RIMS1: variants seen among roughly 807,000 people sequenced by gnomAD.
RIMS1 encodes regulating synaptic membrane exocytosis protein 1.
A neutral mutation model predicts 214.1 loss-of-function variants in RIMS1; 83 were observed. The observed-to-expected ratio is 0.39, with a 90% CI of 0.32 to 0.47. The LOEUF (loss-of-function observed/expected upper bound fraction) is 0.47, where lower values mean the gene tolerates loss of function less well. Among genes scored for constraint, RIMS1 ranks in the 20% least tolerant of loss-of-function variants. RIMS1 has a pLI of 0.99. For missense variants in RIMS1, 2,050 were observed against 2,161.8 expected (o/e 0.95, Z 1.03); for synonymous variants, 793 against 786.8 (o/e 1.01, Z -0.13).
chr6:72,200,466 A>G (rs138213829), intron 6 of RIMS1, among the ~76,000 whole-genome samples: 51 of 152,266 alleles, frequency 3.3e-4, no homozygotes, highest in African/African-American at 1.2e-3. Flanking sequence ...CCTTCAATGA[A>G]AGGCTTTCTG....
chr6:72,133,437 A>C (rs1309370649), intron 4 of RIMS1, among the ~76,000 whole-genome samples: 2 of 152,206 alleles, frequency 1.3e-5, no homozygotes, highest in African/African-American at 2.4e-5. Context: ...TCAAAACTAG[A>C]AAAACAGACA....
At chr6:71,960,338 G>A (rs1374309162) in intron 1 of RIMS1, among the ~76,000 whole-genome samples, 1 of 152,086 alleles carries the variant, frequency 6.6e-6, no homozygotes, top group Non-Finnish European at 1.5e-5. Flanking sequence ...GCTGTGAGGG[G>A]TGCTGGAATT....
intron 1 of RIMS1, among the ~76,000 whole-genome samples, chr6:71,968,554 T>C (rs532593001): frequency 2.0e-5 from 3 of 152,288 alleles, no homozygotes; most frequent in Admixed American, 6.5e-5. Flanking sequence ...TGGTGATTGA[T>C]GGTGTGAAAG....
intron 4 of RIMS1, among the ~76,000 whole-genome samples, chr6:72,148,265 C>T (rs1203068849): frequency 6.6e-6 from 1 of 152,034 alleles, no homozygotes; most frequent in East Asian, 1.9e-4. Context: ...CCCAATGATT[C>T]AAGATGCACT....
intron 2 of RIMS1, among the ~76,000 whole-genome samples, chr6:72,008,140 C>G (rs1476462832): frequency 2.0e-5 from 3 of 152,226 alleles, no homozygotes; most frequent in African/African-American, 4.8e-5. Context: ...AGAAACTCTA[C>G]AAGCCAGAAG....
Position 72,274,440 on chromosome 6 carries a change from T to G in RIMS1, c.3482+8T>G, listed in dbSNP as rs756305958. 185 of 1,606,232 alleles carry G rather than the reference T, an allele frequency of 1.2e-4. No individual in the cohort carries two copies. The highest frequency in any genetic ancestry group is 1.5e-4 in the Non-Finnish European group (179 of 1,173,182). ...GTCTCCGGAGAATGACAGGTACTAG[T>G]CAACTCCTCCTCACAGACAAGTGGC... On this transcript the variant is annotated splice_region_variant and intron_variant, in intron 23 of 33. Coordinates refer to ENST00000521978, the MANE Select transcript of RIMS1 (RefSeq NM_014989.7).
intron 2 of RIMS1, among the ~76,000 whole-genome samples, chr6:72,000,671 C>T (rs1804894153): frequency 6.6e-6 from 1 of 152,200 alleles, no homozygotes; most frequent in South Asian, 2.1e-4. Flanking sequence ...GCTGCTCTTG[C>T]CATTGCATTC....
chr6:72,365,868 G>T (rs1246632261), intron 29 of RIMS1: 1 of 152,212 alleles, frequency 6.6e-6, no homozygotes, highest in East Asian at 1.9e-4. Context: ...GTTATAAAAA[G>T]AGCTTAAAGA....
At chr6:72,283,308 T>C (rs1197759825) in intron 23 of RIMS1, among the ~76,000 whole-genome samples, 1 of 152,088 alleles carries the variant, frequency 6.6e-6, no homozygotes, top group Non-Finnish European at 1.5e-5. Context: ...TAAGCTGCTG[T>C]GGGGAAGCAA....
At chr6:72,304,403 A>G (rs1194864502) in intron 26 of RIMS1, among the ~76,000 whole-genome samples, 1 of 151,810 alleles carries the variant, frequency 6.6e-6, no homozygotes, top group Non-Finnish European at 1.5e-5. Flanking sequence ...CTAAGATACT[A>G]GAGAGACAGT....
chr6:72,197,668 C>T (rs961762676), intron 6 of RIMS1, among the ~76,000 whole-genome samples: 1 of 152,004 alleles, frequency 6.6e-6, no homozygotes, highest in Non-Finnish European at 1.5e-5. Context: ...ACACACTTGC[C>T]TACAGGTATG....
intron 10 of RIMS1, among the ~76,000 whole-genome samples, chr6:72,245,337 C>T (rs925689560): frequency 3.9e-5 from 6 of 151,980 alleles, no homozygotes; most frequent in Admixed American, 1.3e-4. Flanking sequence ...AGCAACTCAT[C>T]CTTTTCATTT....
At chr6:72,101,072 G>A (rs1323761002) in intron 4 of RIMS1, among the ~76,000 whole-genome samples, 8 of 151,926 alleles carry the variant, frequency 5.3e-5, no homozygotes, top group Admixed American at 1.3e-4. Context: ...CAGTTGAAAC[G>A]TGGGTAAAGT....
rs1767909518 is a variant in RIMS1, at chr6:71,886,902, T to C, written c.-122T>C. On this transcript the variant is annotated 5_prime_UTR_variant, in exon 1 of 34. Transcript: ENST00000521978. ...CTGCTGCTGCCGCCGCCGCCGCTGC[T>C]CCTCCTCCTGCCGCCGCCGCTAGGG... 1.2e-5 allele frequency: 14 copies of C among 1,147,360 alleles called. No homozygotes were observed. Among genetic ancestry groups the C allele is most frequent in the South Asian group, 5.9e-5 (4 of 67,828 alleles). 71.1% of individuals were successfully genotyped at this position (1,147,360 alleles called of 1,614,324 possible). A position where few individuals can be genotyped will look rare whatever the true frequency, so the allele number is the denominator to read the frequency against.
intron 29 of RIMS1, among the ~76,000 whole-genome samples, chr6:72,363,199 G>A (rs2097881979): frequency 6.6e-6 from 1 of 151,796 alleles, no homozygotes; most frequent in Non-Finnish European, 1.5e-5. Context: ...TCATACAAAA[G>A]GAATATTATA....
chr6:72,292,330 A>C lies in RIMS1; in HGVS notation c.3850+284A>C, dbSNP rs915803877. On this transcript the variant is annotated intron_variant, in intron 26 of 33. Coordinates refer to ENST00000521978, the MANE Select transcript of RIMS1 (RefSeq NM_014989.7). ...CTTATTCCAAAGTGACAAAGGAAAAAAATAAAATTTAAAAATCTCATTGCA... is the reference window on the plus strand; with the variant it reads ...CTTATTCCAAAGTGACAAAGGAAAACAATAAAATTTAAAAATCTCATTGCA... 3.3e-5 allele frequency among the ~76,000 whole-genome samples: 5 copies of C among 152,170 alleles called. 1 individual carries two copies. Among genetic ancestry groups the C allele is most frequent in the Admixed American group, 3.3e-4 (5 of 15,260 alleles).
chr6:72,326,571 G>A (rs771473351), intron 28 of RIMS1, among the ~76,000 whole-genome samples: 1 of 151,672 alleles, frequency 6.6e-6, no homozygotes, highest in Admixed American at 6.6e-5. Context: ...TTACTTGTTT[G>A]TATTTTACCA....
At chr6:71,948,283 G>A (rs926309896) in intron 1 of RIMS1, among the ~76,000 whole-genome samples, 1 of 152,064 alleles carries the variant, frequency 6.6e-6, no homozygotes, top group African/African-American at 2.4e-5. Flanking sequence ...TCTTTCTTCT[G>A]TGCACTTGCT....
intron 4 of RIMS1, among the ~76,000 whole-genome samples, chr6:72,169,817 G>A (rs774808803): frequency 4.6e-5 from 7 of 152,122 alleles, no homozygotes; most frequent in Admixed American, 2.0e-4. Flanking sequence ...AGGAAGAGGC[G>A]GATGGATCAC....
Sources: gnomAD v4.1 joint callset for allele counts (sites outside exome capture counted in the v4.1 genomes callset) on GRCh38, gnomAD v4.1.1 for gene constraint, MANE v1.5 for transcripts, NCBI Gene and HGNC (gene_info 2026-07-23, HGNC 2026-07-21) for gene names.